The following PARD3B variants were observed in gnomAD, a reference collection of about 807,000 sequenced individuals.
The protein encoded by PARD3B is par-3 family cell polarity regulator beta, also known as partitioning defective 3 homolog B.
In PARD3B, 103 loss-of-function variants were observed where a neutral mutation model predicts 130.2. The ratio of observed to expected loss-of-function variants is 0.79; its 90% confidence interval spans 0.67 to 0.93. The LOEUF is 0.93. PARD3B is among the 40% of genes least tolerant of loss of function. The probability of loss-of-function intolerance (pLI) is 0.00; values close to 1 mark genes in which losing one functional copy is unlikely to be tolerated. For missense variants in PARD3B, 1,609 were observed against 1,499.2 expected (o/e 1.07, Z -1.21); for synonymous variants, 583 against 553.2 (o/e 1.05, Z -0.76).
chr2:204,707,924 G>A (rs1388801524), intron 2 of PARD3B, among the ~76,000 whole-genome samples: 4 of 152,016 alleles, frequency 2.6e-5, no homozygotes, highest in Non-Finnish European at 2.9e-5. Context: ...AGGCGGCCAC[G>A]GGGAGACCCT....
chr2:204,821,714 TA>T (rs761186648), intron 2 of PARD3B, among the ~76,000 whole-genome samples: 75 of 150,226 alleles, frequency 5.0e-4, no homozygotes, highest in Admixed American at 5.3e-4. Flanking sequence ...TAAAAAAAAT[TA>T]AAAAAAAATA....
At chr2:204,598,022 CT>C (rs560092591) in intron 1 of PARD3B, among the ~76,000 whole-genome samples, 27 of 152,210 alleles carry the variant, frequency 1.8e-4, no homozygotes, top group African/African-American at 5.8e-4. Flanking sequence ...GGAAACATAG[CT>C]CCAAATGAAT....
chr2:205,410,211 C>A (rs1185987515), intron 19 of PARD3B, among the ~76,000 whole-genome samples: 1 of 152,120 alleles, frequency 6.6e-6, no homozygotes, highest in East Asian at 1.9e-4. Context: ...CTTTGAGTGT[C>A]ATGTCAGCCC....
chr2:204,604,298 A>G (rs1408178652), intron 1 of PARD3B, among the ~76,000 whole-genome samples: 2 of 152,154 alleles, frequency 1.3e-5, no homozygotes, highest in Non-Finnish European at 1.5e-5. Flanking sequence ...CATGTTCTGT[A>G]CATTCCATTC....
At position 204,572,356 on chromosome 2, in the gene PARD3B, G is replaced by A. The variant is rs112436995; in HGVS notation, c.120+26237G>A. On this transcript the variant is annotated intron_variant, in intron 1 of 22. Coordinates refer to ENST00000406610, the MANE Select transcript of PARD3B (RefSeq NM_001302769.2). Reference sequence around the variant, plus strand: ...ACATGTAGTGGGAATGAGGGGCAGAGTAGCAGACATTATTGCAGAAAAGTG... The same window carrying A: ...ACATGTAGTGGGAATGAGGGGCAGAATAGCAGACATTATTGCAGAAAAGTG... Among the ~76,000 whole-genome samples, 1,328 of 152,222 alleles carry A rather than the reference G, an allele frequency of 8.7e-3. 14 individuals carry two copies. The highest frequency in any genetic ancestry group is 0.031 in the African/African-American group (1,289 of 41,540).
At chr2:204,574,987 C>T (rs765080943) in intron 1 of PARD3B, among the ~76,000 whole-genome samples, 43 of 151,682 alleles carry the variant, frequency 2.8e-4, no homozygotes, top group Admixed American at 2.6e-4. Flanking sequence ...GATGACTCTG[C>T]TTTAGTTATG....
intron 18 of PARD3B, among the ~76,000 whole-genome samples, chr2:205,378,812 A>G (rs1031602462): frequency 5.3e-5 from 8 of 151,812 alleles, no homozygotes; most frequent in Non-Finnish European, 2.9e-5. Flanking sequence ...TTGTATTTTT[A>G]GTAGAGACGG....
chr2:204,879,883 G>A (rs1403415269), intron 2 of PARD3B, among the ~76,000 whole-genome samples: 1 of 152,216 alleles, frequency 6.6e-6, no homozygotes, highest in African/African-American at 2.4e-5. Flanking sequence ...GCCAGTGCTG[G>A]ATTGAGTATC....
Position 205,440,834 on chromosome 2 carries a change from C to T in PARD3B, c.3044+162C>T, listed in dbSNP as rs552504163. On this transcript the variant is annotated intron_variant, in intron 20 of 22. Transcript: ENST00000406610. This position sits in a 1 kb window ranked among gnomAD's most constrained non-coding sequence, Gnocchi z 4.2. ...CTTTGACCGACCTGTAAGATATCCA[C>T]CATCAAAAATAAAACAATAGCCAAT... Among the ~76,000 whole-genome samples the T allele has an allele frequency of 6.6e-6, 1 of 152,262 alleles. No homozygotes were observed. Among genetic ancestry groups the T allele is most frequent in the East Asian group, 1.9e-4 (1 of 5,184 alleles).
intron 18 of PARD3B, among the ~76,000 whole-genome samples, chr2:205,383,827 T>G (rs150509641): frequency 1.4e-4 from 21 of 152,224 alleles, no homozygotes; most frequent in Non-Finnish European, 2.5e-4. Context: ...GGATCTGGCT[T>G]CTTTCATTAG....
chr2:204,928,399 T>G (rs972205097), intron 2 of PARD3B, among the ~76,000 whole-genome samples: 2 of 152,068 alleles, frequency 1.3e-5, no homozygotes, highest in African/African-American at 4.8e-5. Flanking sequence ...ACACTCTGCT[T>G]TTGATGAAAG....
intron 16 of PARD3B, among the ~76,000 whole-genome samples, chr2:205,255,283 A>T (rs1274446266): frequency 1.3e-5 from 2 of 152,040 alleles, no homozygotes; most frequent in Non-Finnish European, 2.9e-5. Context: ...TCTGCTCCAG[A>T]GCCAGTCAGT....
At chr2:205,185,061 G>T (rs930456054) in intron 13 of PARD3B, among the ~76,000 whole-genome samples, 6 of 152,128 alleles carry the variant, frequency 3.9e-5, no homozygotes, top group African/African-American at 1.4e-4. Flanking sequence ...TGTATAATAA[G>T]ATCTCAACAA....
intron 21 of PARD3B, among the ~76,000 whole-genome samples, chr2:205,533,911 G>A (rs115208840): frequency 0.026 from 3,931 of 152,228 alleles, 52 homozygotes; most frequent in Non-Finnish European, 0.037. Flanking sequence ...AGTGTTTTAA[G>A]AGATGAAGAA....
At chr2:204,834,038 A>G (rs1575097273) in intron 2 of PARD3B, among the ~76,000 whole-genome samples, 1 of 152,196 alleles carries the variant, frequency 6.6e-6, no homozygotes, top group East Asian at 1.9e-4. Flanking sequence ...ACTGGTCCCC[A>G]TTCTTCACCT....
At chr2:204,634,656 T>C (rs1266608794) in intron 1 of PARD3B, among the ~76,000 whole-genome samples, 1 of 152,194 alleles carries the variant, frequency 6.6e-6, no homozygotes, top group Non-Finnish European at 1.5e-5. Flanking sequence ...ACATTTTTTT[T>C]CTGTTCTACA....
chr2:204,953,414 CACACACAGAG>C (rs1373703488), intron 2 of PARD3B, among the ~76,000 whole-genome samples: 13 of 106,454 alleles, frequency 1.2e-4, no homozygotes, highest in African/African-American at 5.2e-4. Context: ...TTAACATACA[CACACACAGAG>C]AGAGAGAGAG....
chr2:205,352,278 C>A lies in PARD3B; in HGVS notation c.2631-48735C>A, dbSNP rs2044023254. Among the ~76,000 whole-genome samples, 1 of 152,116 alleles carries A rather than the reference C, an allele frequency of 6.6e-6. No homozygotes were observed. Among genetic ancestry groups the A allele is most frequent in the African/African-American group, 2.4e-5 (1 of 41,430 alleles). ...GGAAAAAAAACATAGTAGAGCTTTT[C>A]TTTTCACTGTACAGTTATGGATTAT... is the stretch of plus-strand genomic sequence containing the variant. On this transcript the variant is annotated intron_variant, in intron 18 of 22. Coordinates refer to ENST00000406610, the MANE Select transcript of PARD3B (RefSeq NM_001302769.2). This position sits in a 1 kb window ranked among gnomAD's most constrained non-coding sequence, Gnocchi z 5.2.
chr2:204,810,049 G>T (rs1254639679), intron 2 of PARD3B, among the ~76,000 whole-genome samples: 1 of 151,330 alleles, frequency 6.6e-6, no homozygotes, highest in Non-Finnish European at 1.5e-5. Flanking sequence ...TGGCAGTTGT[G>T]AATGTATAGG....
Sources: gnomAD v4.1 joint callset for allele counts (sites outside exome capture counted in the v4.1 genomes callset) on GRCh38, gnomAD v4.1.1 for gene constraint, Gnocchi (gnomAD v3.1) non-coding constraint, MANE v1.5 for transcripts, NCBI Gene and HGNC (gene_info 2026-07-23, HGNC 2026-07-21) for gene names.